Variants in PLD4 observed in about 807,000 individuals in gnomAD.
PLD4 encodes phospholipase D family member 4, also known as 5'-3' exonuclease PLD4.
A neutral mutation model predicts 52.3 loss-of-function variants in PLD4; 54 were observed. The ratio of observed to expected loss-of-function variants is 1.03; its 90% CI spans 0.83 to 1.30. The LOEUF (loss-of-function observed/expected upper bound fraction) is 1.30, where lower values mean the gene tolerates loss of function less well. PLD4 is among the 50% of genes most tolerant of loss of function. The pLI, the probability that PLD4 is intolerant of heterozygous loss-of-function variation, is 0.00. For missense variants in PLD4, 731 were observed against 671.1 expected (o/e 1.09, Z -0.99); for synonymous variants, 264 against 286.5 (o/e 0.92, Z 0.79).
rs760036638 is a variant in PLD4, at chr14:104,928,794, C to T, written c.330C>T (p.Ala110=). 59 of 1,607,808 alleles carry T rather than the reference C, an allele frequency of 3.7e-5. No individual in the cohort carries two copies. Among genetic ancestry groups the T allele is most frequent in the Non-Finnish European group, 4.5e-5 (53 of 1,176,490 alleles). ...TCCCCCAGGACCTGCCATCTGCAGC[C>T]GGCAGCCCCTCTGCCCAGCCTCTGG... ...ESIPQDLPSA[A]GSPSAQPLGQ... Residue 110 remains alanine, a synonymous_variant, in exon 4 of 11, where the codon GCC becomes GCT. Transcript: ENST00000392593.
At position 104,924,947 on chromosome 14, in the gene PLD4, C is replaced by T. The variant is rs930440886; in HGVS notation, c.-44C>T. On this transcript the variant is annotated 5_prime_UTR_variant, in exon 1 of 11. Coordinates refer to ENST00000392593, the MANE Select transcript of PLD4 (RefSeq NM_138790.5). This position sits in a 1 kb window ranked among gnomAD's most constrained non-coding sequence, Gnocchi z 4.4. ...GCCCCGTGAGCTGAGGGCCTGCAGT[C>T]TGCGGCTGGAATCAGGATAGACACC... 13 of 152,808 alleles carry T rather than the reference C, an allele frequency of 8.5e-5. No individual in the cohort carries two copies. Among genetic ancestry groups the T allele is most frequent in the African/African-American group, 3.1e-4 (13 of 41,458 alleles). The allele number at this position is 152,808 out of a possible 1,614,324, so 9.5% of individuals were successfully genotyped here. A position where few individuals can be genotyped will look rare whatever the true frequency, so the allele number is the denominator to read the frequency against.
At position 104,924,971 on chromosome 14, in the gene PLD4, C is replaced by T. The variant is rs1266988023; in HGVS notation, c.-20C>T. ...TCTGCGGCTGGAATCAGGATAGACA[C>T]CAAGGCAGGACCCCCAGAGGTATGT... On this transcript the variant is annotated 5_prime_UTR_variant, in exon 1 of 11. Coordinates refer to ENST00000392593, the MANE Select transcript of PLD4 (RefSeq NM_138790.5). This position sits in a 1 kb window ranked among gnomAD's most constrained non-coding sequence, Gnocchi z 4.4. 1 of 152,664 alleles carries T rather than the reference C, an allele frequency of 6.6e-6. No homozygotes were observed. Among genetic ancestry groups the T allele is most frequent in the African/African-American group, 2.4e-5 (1 of 41,460 alleles). 9.5% of individuals were successfully genotyped at this position (152,664 alleles called of 1,614,324 possible). A position where few individuals can be genotyped will look rare whatever the true frequency, so the allele number is the denominator to read the frequency against.
At chr14:104,929,469 G>C in intron 5 of PLD4, 42 bp downstream of exon 5, 1 of 1,501,418 alleles carries the variant, frequency 6.7e-7, no homozygotes. Context: ...CCCTAGCGTC[G>C]GGCATGGGCT....
downstream of PLD4, chr14:104,936,760 C>T (rs1897819088): frequency 6.6e-6 from 1 of 152,262 alleles, no homozygotes; most frequent in African/African-American, 2.4e-5. Flanking sequence ...CAACTGCCCC[C>T]TTGAACACTG....
intron 1 of PLD4, among the ~76,000 whole-genome samples, chr14:104,925,412 G>A (rs141453584): frequency 1.6e-4 from 25 of 152,312 alleles, no homozygotes; most frequent in African/African-American, 4.8e-4. Context: ...GTGGTGAGGC[G>A]CTCTGGGGTC....
At chr14:104,928,484 C>G (rs945037735) in intron 3 of PLD4, among the ~76,000 whole-genome samples, 1 of 152,248 alleles carries the variant, frequency 6.6e-6, no homozygotes, top group Admixed American at 6.5e-5. Context: ...CTAGCCTGCT[C>G]TGGACCAGGC....
rs1897561422 is a variant in PLD4 at position 104,929,310 on chromosome 14, G to A, written c.472G>A (p.Glu158Lys). The A allele has an allele frequency of 2.5e-6, 4 of 1,583,886 alleles. No individual in the cohort carries two copies. Among genetic ancestry groups the A allele is most frequent in the Non-Finnish European group, 2.6e-6 (3 of 1,165,554 alleles). Residue 158 changes from glutamate to lysine, a missense_variant, in exon 5 of 11, where the codon GAG becomes AAG. Transcript: ENST00000392593. ...GVNDSSSQLG[E>K]ALLQKLQQLL... ...CATGGCTGGCCTGGCCTTGCAGGGA[G>A]AGGCTCTTCTGCAGAAGCTGCAGCA...
Position 104,927,682 on chromosome 14 carries a change from C to G in PLD4, c.100C>G (p.Leu34Val). The part of the protein sequence containing the change: ...WDREAGTLQV[L>V]GALAVLWLGS... ...GTGCTGCCCCATCCAGTTGCAGGTC[C>G]TGGGAGCGCTGGCTGTGCTGTGGCT... The change falls in exon 3 of 11, where the codon CTG (leucine) becomes GTG (valine). Residue 34 changes from leucine (L) to valine (V), a missense_variant. Transcript: ENST00000392593. The G allele has an allele frequency of 1.3e-6, 2 of 1,593,582 alleles. No homozygotes were observed. The highest frequency in any genetic ancestry group is 8.5e-7 in the Non-Finnish European group (1 of 1,173,686).
rs760153826 is a variant in PLD4 at position 104,927,567 on chromosome 14, G to A, written c.91-106G>A. On this transcript the variant is annotated intron_variant, in intron 2 of 10. Coordinates refer to ENST00000392593, the MANE Select transcript of PLD4 (RefSeq NM_138790.5). ...CCCACCCCAGTGGCAGCCCAGGTCCGGGAAGTCAAGACGGTCTCTGTCTCA... is the reference window on the plus strand; with the variant it reads ...CCCACCCCAGTGGCAGCCCAGGTCCAGGAAGTCAAGACGGTCTCTGTCTCA... 1.0e-4 allele frequency: 133 copies of A among 1,284,560 alleles called. 1 individual carries two copies. Among genetic ancestry groups the A allele is most frequent in the Non-Finnish European group, 1.3e-4 (128 of 951,770 alleles). 79.6% of individuals were successfully genotyped at this position (1,284,560 alleles called of 1,614,324 possible).
In PLD4 at chr14:104,928,785, A is replaced by G. The variant is rs760713234; in HGVS notation, c.321A>G (p.Pro107=). 1.2e-6 allele frequency: 2 copies of G among 1,605,036 alleles called. 1 individual carries two copies. Among genetic ancestry groups the G allele is most frequent in the East Asian group, 4.5e-5 (2 of 44,584 alleles). The change falls in exon 4 of 11, where the codon CCA becomes CCG. Residue 107 remains proline (P), a synonymous_variant. Transcript: ENST00000392593. ...VLVESIPQDL[P]SAAGSPSAQP... Reference sequence around the variant, plus strand: ...TGGAAAGCATCCCCCAGGACCTGCCATCTGCAGCCGGCAGCCCCTCTGCCC... The same window carrying G: ...TGGAAAGCATCCCCCAGGACCTGCCGTCTGCAGCCGGCAGCCCCTCTGCCC...
At chr14:104,928,638 G>A in intron 3 of PLD4, 111 bp from the exon 4 acceptor site, 2 of 1,177,426 alleles carry the variant, frequency 1.7e-6, no homozygotes, top group Non-Finnish European at 2.4e-6. Context: ...CTCATCCCGG[G>A]GGCCACCTGA....
downstream of PLD4, chr14:104,933,455 G>C (rs1193667152): frequency 6.5e-6 from 1 of 152,868 alleles, no homozygotes; most frequent in Non-Finnish European, 1.5e-5. Flanking sequence ...CCGGGCTGCC[G>C]CGCTCCGGAA....
chr14:104,931,848 T>TG lies in PLD4; in HGVS notation c.1021dup (p.Glu341GlyfsTer142). 6.4e-7 allele frequency: 1 copy of TG among 1,560,604 alleles called. No individual in the cohort carries two copies. Among genetic ancestry groups the TG allele is most frequent in the South Asian group, 1.2e-5 (1 of 84,150 alleles). On this transcript the variant is annotated frameshift_variant, in exon 8 of 11. Coordinates refer to ENST00000392593, the MANE Select transcript of PLD4 (RefSeq NM_138790.5). LOFTEE classifies it high-confidence loss of function. ...CAGGAGTTCATCTATGCCTCCGTGA[T>TG]GGAGTATTTCCCCACCACGCGCTTC...
Position 104,927,663 on chromosome 14 carries a change from C to T in PLD4, c.91-10C>T. The T allele has an allele frequency of 6.4e-7, 1 of 1,573,414 alleles. No individual in the cohort carries two copies. The highest frequency in any genetic ancestry group is 1.2e-5 in the South Asian group (1 of 86,634). On this transcript the variant is annotated splice_polypyrimidine_tract_variant and intron_variant, in intron 2 of 10. Transcript: ENST00000392593. ...CTGTCTGGTGACCCTGCGGGTGCTG[C>T]CCCATCCAGTTGCAGGTCCTGGGAG... is the stretch of plus-strand genomic sequence containing the variant.
At chr14:104,925,280 G>C (rs935041454) in intron 1 of PLD4, among the ~76,000 whole-genome samples, 1 of 152,232 alleles carries the variant, frequency 6.6e-6, no homozygotes, top group African/African-American at 2.4e-5. Flanking sequence ...CATGACCTCT[G>C]ATGTCTGCAG....
rs2140801446 is a variant in PLD4 at position 104,930,644 on chromosome 14, G to A, written c.718-98G>A. 4 of 1,319,354 alleles carry A rather than the reference G, an allele frequency of 3.0e-6. No homozygotes were observed. The East Asian group carries it at 9.2e-5, about 30-fold the overall frequency. 81.7% of individuals were successfully genotyped at this position (1,319,354 alleles called of 1,614,324 possible). On this transcript the variant is annotated intron_variant, in intron 6 of 10. Coordinates refer to ENST00000392593, the MANE Select transcript of PLD4 (RefSeq NM_138790.5). ...CCGCAAGTGGGGACCAGTCGGGCAGGGACTGCACCTGCCCCAACATCCCTG... is the reference window on the plus strand; with the variant it reads ...CCGCAAGTGGGGACCAGTCGGGCAGAGACTGCACCTGCCCCAACATCCCTG...
At position 104,930,058 on chromosome 14, in the gene PLD4, CACATAT is replaced by C. The variant is rs1566889298; in HGVS notation, c.675_680del (p.Ile225_Tyr226del). 4.3e-6 allele frequency: 7 copies of C among 1,613,608 alleles called. No homozygotes were observed. In the South Asian group the frequency reaches 5.5e-5, roughly 13 times the overall value. On this transcript the variant is annotated inframe_deletion, in exon 6 of 11. Transcript: ENST00000392593. The stretch of plus-strand genomic sequence containing the variant: ...CAAATTCTGGGTTGTGGATGGACGG[CACATAT>C]ACATGGGCAGTGCCAACATGGACTG...
At chr14:104,933,522 G>T (rs1414977782), downstream of PLD4, 1 of 150,614 alleles carries the variant, frequency 6.6e-6, no homozygotes, top group African/African-American at 2.4e-5. Context: ...GCCCACGCCC[G>T]GGACTCCAGC....
Position 104,927,847 on chromosome 14 carries a change from CAG to C in PLD4, c.266_267del (p.Gln89ProfsTer57). The C allele has an allele frequency of 6.3e-7, 1 of 1,579,958 alleles. No individual in the cohort carries two copies. Among genetic ancestry groups the C allele is most frequent in the Non-Finnish European group, 8.6e-7 (1 of 1,166,702 alleles). ...GGAGCCCCTGGAAGCAGAGGCCAGGCAGCAGAGGGACTCCTGCCAGTAAGTGA... is the reference window on the plus strand; with the variant it reads ...GGAGCCCCTGGAAGCAGAGGCCAGGCCAGAGGGACTCCTGCCAGTAAGTGA... ...AWEPLEAEAR[Q>X]QRDSCQLVLV... On this transcript the variant is annotated frameshift_variant, in exon 3 of 11. Transcript: ENST00000392593. LOFTEE classifies it high-confidence loss of function.
Sources: gnomAD v4.1 joint callset for allele counts (sites outside exome capture counted in the v4.1 genomes callset) on GRCh38, gnomAD v4.1.1 for gene constraint, Gnocchi (gnomAD v3.1) non-coding constraint, MANE v1.5 for transcripts, NCBI Gene and HGNC (gene_info 2026-07-23, HGNC 2026-07-21) for gene names.